Variants in CCDC85C observed in about 807,000 individuals in gnomAD.
CCDC85C encodes coiled-coil domain-containing protein 85C.
Under a neutral mutation model 38.3 loss-of-function variants are expected in CCDC85C, and 18 were observed. The observed-to-expected ratio is 0.47, with a 90% CI of 0.33 to 0.70. CCDC85C has a LOEUF of 0.70. Ranked by LOEUF, CCDC85C falls within the 30% of genes least tolerant of loss-of-function variation. The pLI, the probability that CCDC85C is intolerant of heterozygous loss-of-function variation, is 0.03. For missense variants in CCDC85C, 566 were observed against 621.2 expected, an observed-to-expected ratio of 0.91 and a Z score of 0.94; for synonymous variants, 264 against 293.8, an observed-to-expected ratio of 0.90 and a Z score of 1.04.
intron 2 of CCDC85C, among the ~76,000 whole-genome samples, chr14:99,525,765 C>T (rs1242176859): frequency 6.6e-6 from 1 of 152,232 alleles, no homozygotes; most frequent in East Asian, 1.9e-4. Flanking sequence ...CCACCAGACT[C>T]GAAGCCCCAG....
intron 1 of CCDC85C, among the ~76,000 whole-genome samples, chr14:99,574,295 T>G (rs1035798152): frequency 1.3e-5 from 2 of 152,148 alleles, no homozygotes; most frequent in African/African-American, 4.8e-5. Flanking sequence ...CCAGGGATTT[T>G]TTTTTGTCTG....
Position 99,584,774 on chromosome 14 carries a change from G to A in CCDC85C, c.793+18393C>T, listed in dbSNP as rs531851989. Among the ~76,000 whole-genome samples the A allele has an allele frequency of 1.5e-4, 23 of 152,322 alleles. No homozygotes were observed. The East Asian group carries it at 2.3e-3, about 15-fold the overall frequency. On this transcript the variant is annotated intron_variant, in intron 1 of 5. Coordinates refer to ENST00000380243, the MANE Select transcript of CCDC85C (RefSeq NM_001144995.2). ...ATAACTGCCCCACTGCCCACAGAGCGGGGGAAAAATCACACTCCAAATAAG... is the reference window on the plus strand; with the variant it reads ...ATAACTGCCCCACTGCCCACAGAGCAGGGGAAAAATCACACTCCAAATAAG...
chr14:99,566,063 C>T (rs986544649), intron 1 of CCDC85C, among the ~76,000 whole-genome samples: 1 of 152,248 alleles, frequency 6.6e-6, no homozygotes, highest in African/African-American at 2.4e-5. Flanking sequence ...TGACAGCAAA[C>T]AGGCAACATT....
At chr14:99,542,800 C>T (rs1897738172) in intron 1 of CCDC85C, among the ~76,000 whole-genome samples, 1 of 152,224 alleles carries the variant, frequency 6.6e-6, no homozygotes, top group Admixed American at 6.5e-5. Context: ...CCTGCAGCTG[C>T]ATGTTCCTGG....
Position 99,576,793 on chromosome 14 carries a change from C to A in CCDC85C, c.793+26374G>T, listed in dbSNP as rs943832057. ...CACCCTGGGGATTCAGAGGGTGGAA[C>A]GGACTATCAGTCACTCTACAGGAAA... On this transcript the variant is annotated intron_variant, in intron 1 of 5. Transcript: ENST00000380243. This position sits in a 1 kb window ranked among gnomAD's most constrained non-coding sequence, Gnocchi z 4.8. 6.6e-6 allele frequency among the ~76,000 whole-genome samples: 1 copy of A among 152,150 alleles called. No individual in the cohort carries two copies. The highest frequency in any genetic ancestry group is 2.4e-5 in the African/African-American group (1 of 41,440).
intron 2 of CCDC85C, among the ~76,000 whole-genome samples, chr14:99,527,992 T>G (rs1897420515): frequency 6.6e-6 from 1 of 152,136 alleles, no homozygotes; most frequent in Non-Finnish European, 1.5e-5. Context: ...GCTATTATTT[T>G]GCAAAACTGG....
Position 99,500,686 on chromosome 14 carries a change from G to C in CCDC85C, c.*14560C>G, listed in dbSNP as rs1481921550. On this transcript the variant is annotated 3_prime_UTR_variant, in exon 6 of 6. Coordinates refer to ENST00000380243, the MANE Select transcript of CCDC85C (RefSeq NM_001144995.2). ...ATATAACTTGAAGAGAGAATAAATA[G>C]ACAGGAAAGCTCACTTTTGTAATGC... 1.7e-5 allele frequency: 15 copies of C among 903,838 alleles called. No homozygotes were observed. The highest frequency in any genetic ancestry group is 2.7e-5 in the Non-Finnish European group (15 of 561,566). 56.0% of individuals were successfully genotyped at this position (903,838 alleles called of 1,614,324 possible).
rs1258457916 is a variant in CCDC85C, at chr14:99,569,201, C to T, written c.794-33113G>A. ...AGTAAGGCCCACGTCGACCCATCTT[C>T]GTGAAGGAAGACCTAAATCCTCCCA... On this transcript the variant is annotated intron_variant, in intron 1 of 5. Coordinates refer to ENST00000380243, the MANE Select transcript of CCDC85C (RefSeq NM_001144995.2). This position sits in a 1 kb window ranked among gnomAD's most constrained non-coding sequence, Gnocchi z 4.3. Among the ~76,000 whole-genome samples the T allele has an allele frequency of 6.6e-6, 1 of 152,230 alleles. No individual in the cohort carries two copies. The highest frequency in any genetic ancestry group is 1.9e-4 in the East Asian group (1 of 5,204).
chr14:99,565,519 G>A (rs1319468575), intron 1 of CCDC85C, among the ~76,000 whole-genome samples: 4 of 152,334 alleles, frequency 2.6e-5, no homozygotes, highest in Middle Eastern at 3.4e-3. Flanking sequence ...TAGAATAACT[G>A]GAAGCCTAAA....
In CCDC85C at chr14:99,517,073, G is replaced by C. The variant is rs1897237124; in HGVS notation, c.1071+15C>G. 5.8e-6 allele frequency: 9 copies of C among 1,548,998 alleles called. No individual in the cohort carries two copies. The East Asian group carries it at 2.0e-4, about 34-fold the overall frequency. On this transcript the variant is annotated intron_variant, in intron 4 of 5. Transcript: ENST00000380243. The stretch of plus-strand genomic sequence containing the variant: ...GCATCTGAGGACTTCTGAGGGAGCG[G>C]GTAGTGGCCCTCACCTTCATGGCAT...
intron 3 of CCDC85C, among the ~76,000 whole-genome samples, chr14:99,518,613 C>T (rs1327496847): frequency 6.6e-6 from 1 of 152,128 alleles, no homozygotes; most frequent in Non-Finnish European, 1.5e-5. Flanking sequence ...GCCAGTCGCA[C>T]ACATACGGCC....
At chr14:99,556,611 A>G (rs1185537585) in intron 1 of CCDC85C, among the ~76,000 whole-genome samples, 1 of 151,912 alleles carries the variant, frequency 6.6e-6, no homozygotes, top group Non-Finnish European at 1.5e-5. Context: ...TGAACTCTGA[A>G]CTCCCAGGCT....
At chr14:99,575,343 G>A (rs1197887730) in intron 1 of CCDC85C, among the ~76,000 whole-genome samples, 2 of 152,194 alleles carry the variant, frequency 1.3e-5, no homozygotes, top group African/African-American at 4.8e-5. Context: ...CCTGCCGCCA[G>A]GGCCTCAGCC....
At position 99,509,097 on chromosome 14, in the gene CCDC85C, G is replaced by A. The variant is rs1012394674; in HGVS notation, c.*6149C>T. On this transcript the variant is annotated 3_prime_UTR_variant, in exon 6 of 6. Coordinates refer to ENST00000380243, the MANE Select transcript of CCDC85C (RefSeq NM_001144995.2). ...CATGCTCGCTTTGGCAAGATCAAAC[G>A]GGTTGTGTGCCAATGGCCACGTCTA... is the stretch of plus-strand genomic sequence containing the variant. 4 of 152,208 alleles carry A rather than the reference G, an allele frequency of 2.6e-5. No individual in the cohort carries two copies. The highest frequency in any genetic ancestry group is 2.1e-4 in the South Asian group (1 of 4,832). The allele number at this position is 152,208 out of a possible 1,614,324, so 9.4% of individuals were successfully genotyped here.
At chr14:99,554,525 C>T (rs1039029093) in intron 1 of CCDC85C, among the ~76,000 whole-genome samples, 1 of 152,242 alleles carries the variant, frequency 6.6e-6, no homozygotes, top group African/African-American at 2.4e-5. Context: ...GCAGCCCGCA[C>T]ATCACTGCAT....
In CCDC85C at chr14:99,558,019, C is replaced by A. The variant is rs977812196; in HGVS notation, c.794-21931G>T. ...GGATGAAATATCACAGAAGAAAGTG[C>A]GTGTGCAGCTTAATCTTAGGGGAAA... is the stretch of plus-strand genomic sequence containing the variant. On this transcript the variant is annotated intron_variant, in intron 1 of 5. Transcript: ENST00000380243. This position sits in a 1 kb window ranked among gnomAD's most constrained non-coding sequence, Gnocchi z 4.2. 7.2e-5 allele frequency among the ~76,000 whole-genome samples: 11 copies of A among 152,118 alleles called. No homozygotes were observed. Among genetic ancestry groups the A allele is most frequent in the African/African-American group, 2.7e-4 (11 of 41,394 alleles).
intron 1 of CCDC85C, among the ~76,000 whole-genome samples, chr14:99,553,799 G>A (rs1344002899): frequency 6.6e-6 from 1 of 152,232 alleles, no homozygotes; most frequent in Non-Finnish European, 1.5e-5. Context: ...CTGAGCCCCT[G>A]CGGCGGAGAT....
Position 99,580,968 on chromosome 14 carries a change from T to A in CCDC85C, c.793+22199A>T, listed in dbSNP as rs140350030. Among the ~76,000 whole-genome samples the A allele has an allele frequency of 3.5e-3, 528 of 152,264 alleles. 3 individuals are homozygous for A. The highest frequency in any genetic ancestry group is 5.3e-3 in the Non-Finnish European group (360 of 67,994). Reference sequence around the variant, plus strand: ...GATCACAGAGCACCTCCAACTTTATTTTCAGAATCCTGAACCTGATGCTGA... The same window carrying A: ...GATCACAGAGCACCTCCAACTTTATATTCAGAATCCTGAACCTGATGCTGA... On this transcript the variant is annotated intron_variant, in intron 1 of 5. Coordinates refer to ENST00000380243, the MANE Select transcript of CCDC85C (RefSeq NM_001144995.2).
At chr14:99,570,515 A>G (rs966475304) in intron 1 of CCDC85C, among the ~76,000 whole-genome samples, 11 of 152,156 alleles carry the variant, frequency 7.2e-5, no homozygotes, top group African/African-American at 2.4e-4. Context: ...CCCAGACGGC[A>G]GGGGCTCGGG....
Sources: allele counts gnomAD v4.1 joint callset (sites outside exome capture counted in the v4.1 genomes callset), GRCh38; gene constraint gnomAD v4.1.1; non-coding constraint Gnocchi (gnomAD v3.1); transcripts MANE v1.5; gene names NCBI Gene and HGNC (gene_info 2026-07-23, HGNC 2026-07-21).